Variants in CUX1 observed in about 807,000 individuals in gnomAD.
The protein encoded by CUX1 is protein CASP.
A neutral mutation model predicts 158.8 loss-of-function variants in CUX1; 31 were observed. That is an observed-to-expected ratio of 0.20 (90% CI 0.15 to 0.26). CUX1 has a LOEUF of 0.26. Among genes scored for constraint, CUX1 ranks in the 10% least tolerant of loss-of-function variants. CUX1 has a pLI of 1.00. For synonymous variants in CUX1, 879 were observed against 862.1 expected, an observed-to-expected ratio of 1.02 and a Z score of -0.34; for missense variants, 1,589 against 2,014.6, an observed-to-expected ratio of 0.79 and a Z score of 4.04.
At chr7:102,182,708 C>T (rs540546451) in intron 11 of CUX1, among the ~76,000 whole-genome samples, 2 of 152,290 alleles carry the variant, frequency 1.3e-5, no homozygotes, top group East Asian at 3.9e-4. Flanking sequence ...AGCCCGACCG[C>T]CGTGACAAGG....
At position 102,198,375 on chromosome 7, in the gene CUX1, A is replaced by G. The variant is rs369682356; in HGVS notation, c.1895-427A>G. On this transcript the variant is annotated intron_variant, in intron 15 of 23. Coordinates refer to ENST00000292535, the MANE Select transcript of CUX1 (RefSeq NM_181552.4). ...TCAGACATGTTTGAAACACCCTGAA[A>G]TTTAGACTCAAACAGAGCAGGGAGA... Among the ~76,000 whole-genome samples the G allele has an allele frequency of 3.9e-5, 6 of 152,360 alleles. No homozygotes were observed. The South Asian group carries it at 1.2e-3, about 32-fold the overall frequency.
intron 21 of CUX1, chr7:102,281,967 C>T: frequency 7.5e-7 from 1 of 1,329,790 alleles, no homozygotes; most frequent in Non-Finnish European, 1.1e-6. Flanking sequence ...CCATCCCCAG[C>T]CCTGACCTCC....
intron 20 of CUX1, among the ~76,000 whole-genome samples, chr7:102,214,592 G>A (rs1349434312): frequency 3.9e-5 from 6 of 152,218 alleles, no homozygotes; most frequent in African/African-American, 7.2e-5. Context: ...TTCAGTGAAC[G>A]TATACACACT....
intron 2 of CUX1, among the ~76,000 whole-genome samples, chr7:101,921,248 T>C (rs1232907150): frequency 3.9e-5 from 6 of 152,092 alleles, no homozygotes; most frequent in Non-Finnish European, 8.8e-5. Flanking sequence ...GCTCGCAGGG[T>C]TGCTGTGTGC....
intron 1 of CUX1, among the ~76,000 whole-genome samples, chr7:101,845,230 C>A: frequency 6.6e-6 from 1 of 151,928 alleles, no homozygotes; most frequent in East Asian, 2.0e-4. Context: ...AAGCAGTCCT[C>A]CTGCCTCAGC....
At chr7:101,892,187 T>G (rs1800947921) in intron 1 of CUX1, among the ~76,000 whole-genome samples, 1 of 152,214 alleles carries the variant, frequency 6.6e-6, no homozygotes, top group African/African-American at 2.4e-5. Flanking sequence ...GAAAACTTAA[T>G]CTAGAAGCAA....
chr7:102,275,053 C>T (rs1791510726), intron 16 of CUX1, among the ~76,000 whole-genome samples: 1 of 152,174 alleles, frequency 6.6e-6, no homozygotes, highest in African/African-American at 2.4e-5. Flanking sequence ...GCCATCCATT[C>T]TCACGCTCCC....
chr7:101,832,453 G>A (rs1441238828), intron 1 of CUX1, among the ~76,000 whole-genome samples: 1 of 152,186 alleles, frequency 6.6e-6, no homozygotes, highest in African/African-American at 2.4e-5. Flanking sequence ...CAGGGGGCTG[G>A]CACCTTCAGG....
intron 9 of CUX1, among the ~76,000 whole-genome samples, chr7:102,164,355 C>A (rs1790781708): frequency 6.6e-6 from 1 of 152,244 alleles, no homozygotes; most frequent in Non-Finnish European, 1.5e-5. Context: ...ACCTACGAGG[C>A]CTGCTCAGAG....
intron 21 of CUX1, among the ~76,000 whole-genome samples, chr7:102,232,498 T>A (rs1235812696): frequency 6.6e-6 from 1 of 152,112 alleles, no homozygotes; most frequent in Non-Finnish European, 1.5e-5. Flanking sequence ...CTGCCCCGGA[T>A]GGGGAGAGGT....
intron 3 of CUX1, among the ~76,000 whole-genome samples, chr7:102,046,605 C>T (rs1258863287): frequency 7.6e-5 from 6 of 79,156 alleles, no homozygotes; most frequent in Admixed American, 1.5e-4. Flanking sequence ...TTGAGACAGT[C>T]TCACTCTGTC....
At chr7:101,832,446 G>C (rs1192788866) in intron 1 of CUX1, among the ~76,000 whole-genome samples, 1 of 152,160 alleles carries the variant, frequency 6.6e-6, no homozygotes, top group African/African-American at 2.4e-5. Flanking sequence ...TGCGGTGCAG[G>C]GGGCTGGCAC....
At chr7:102,082,074 G>A (rs1827478181) in intron 4 of CUX1, among the ~76,000 whole-genome samples, 2 of 146,518 alleles carry the variant, frequency 1.4e-5, no homozygotes, top group Admixed American at 6.9e-5. Context: ...TCCCAGATTC[G>A]CCCACTTACC....
At chr7:101,957,230 C>A (rs180726059) in intron 2 of CUX1, among the ~76,000 whole-genome samples, 2 of 152,156 alleles carry the variant, frequency 1.3e-5, no homozygotes, top group East Asian at 3.9e-4. Context: ...AATATAAAGA[C>A]AAGATGAATA....
intron 1 of CUX1, among the ~76,000 whole-genome samples, chr7:101,880,852 C>A (rs967564136): frequency 6.6e-5 from 10 of 152,226 alleles, no homozygotes; most frequent in African/African-American, 9.6e-5. Context: ...CCAGGCCCCC[C>A]ACCCCCAGGT....
intron 20 of CUX1, among the ~76,000 whole-genome samples, chr7:102,205,723 C>T (rs938532431): frequency 6.6e-6 from 1 of 152,090 alleles, no homozygotes; most frequent in South Asian, 2.1e-4. Flanking sequence ...CAGGTGGTGG[C>T]GGAGAGTGGT....
At chr7:101,874,118 T>C in intron 1 of CUX1, among the ~76,000 whole-genome samples, 1 of 152,244 alleles carries the variant, frequency 6.6e-6, no homozygotes, top group East Asian at 1.9e-4. Flanking sequence ...TCATATTGCC[T>C]GTGAAACAAG....
chr7:102,208,043 C>T (rs1796126114), intron 20 of CUX1, among the ~76,000 whole-genome samples: 1 of 151,940 alleles, frequency 6.6e-6, no homozygotes, highest in African/African-American at 2.4e-5. Flanking sequence ...CAAAAATTAG[C>T]CAGGTGTGAT....
chr7:102,224,953 G>A (rs1554528144), intron 20 of CUX1, among the ~76,000 whole-genome samples: 2 of 152,212 alleles, frequency 1.3e-5, no homozygotes, highest in Admixed American at 6.5e-5. Context: ...TGGTGAGCAA[G>A]ATGGATGATC....
Sources: allele counts gnomAD v4.1 joint callset (sites outside exome capture counted in the v4.1 genomes callset), GRCh38; gene constraint gnomAD v4.1.1; transcripts MANE v1.5; gene names NCBI Gene and HGNC (gene_info 2026-07-23, HGNC 2026-07-21).